The following RAD51B variants were observed in gnomAD, a reference collection of about 807,000 sequenced individuals.
The protein encoded by RAD51B is RAD51 paralog B, also known as DNA repair protein RAD51 homolog 2.
RAD51B carries 38 observed loss-of-function variants against 42.2 expected under a neutral mutation model. That is an observed-to-expected ratio of 0.90 (90% confidence interval 0.70 to 1.18). RAD51B has a LOEUF of 1.18. Among genes scored for constraint, RAD51B ranks in the 50% most tolerant of loss-of-function variants. RAD51B has a pLI of 0.00. For synonymous variants in RAD51B, 154 were observed against 145.2 expected, an observed-to-expected ratio of 1.06 and a Z score of -0.43; for missense variants, 373 against 400.7, an observed-to-expected ratio of 0.93 and a Z score of 0.59.
downstream of RAD51B, among the ~76,000 whole-genome samples, chr14:68,599,254 G>A (rs988662611): frequency 6.6e-6 from 1 of 152,184 alleles, no homozygotes; most frequent in African/African-American, 2.4e-5. Context: ...GTTGCCATAC[G>A]AAACATACTA....
intron 7 of RAD51B, among the ~76,000 whole-genome samples, chr14:68,114,960 G>C (rs34091875): frequency 6.6e-6 from 1 of 151,184 alleles, no homozygotes; most frequent in African/African-American, 2.4e-5. Context: ...CTGTAAACTA[G>C]TTCAACCATT....
intron 5 of RAD51B, among the ~76,000 whole-genome samples, chr14:67,871,222 C>G (rs537980737): frequency 3.3e-5 from 5 of 152,016 alleles, no homozygotes; most frequent in African/African-American, 1.2e-4. Flanking sequence ...AGAGAAGAAT[C>G]AAATAGATGC....
chr14:68,626,989 G>T (rs1892098323), intron 10 of RAD51B, among the ~76,000 whole-genome samples: 1 of 152,080 alleles, frequency 6.6e-6, no homozygotes, highest in South Asian at 2.1e-4. Flanking sequence ...TCTAGAAGAA[G>T]GTACTTCTTC....
At chr14:67,890,165 G>A (rs1039538823) in intron 7 of RAD51B, among the ~76,000 whole-genome samples, 1 of 152,106 alleles carries the variant, frequency 6.6e-6, no homozygotes, top group African/African-American at 2.4e-5. Context: ...TAATTACCAC[G>A]TACAGAATAG....
At chr14:68,470,381 G>A in intron 10 of RAD51B, 2 of 410,230 alleles carry the variant, frequency 4.9e-6, no homozygotes. Context: ...CCTTCTTGCT[G>A]TGTGCTCCCA....
chr14:67,862,136 T>C (rs756782036), intron 4 of RAD51B, among the ~76,000 whole-genome samples: 1 of 152,048 alleles, frequency 6.6e-6, no homozygotes, highest in Admixed American at 6.5e-5. Flanking sequence ...ATTTTAAATG[T>C]TCCCACCAAA....
At chr14:67,958,302 A>G (rs1469638775) in intron 7 of RAD51B, among the ~76,000 whole-genome samples, 2 of 152,232 alleles carry the variant, frequency 1.3e-5, no homozygotes, top group Admixed American at 6.5e-5. Context: ...GATTGATTGA[A>G]TCTTCTGATC....
chr14:68,225,590 G>C (rs1262956501), intron 7 of RAD51B, among the ~76,000 whole-genome samples: 1 of 152,174 alleles, frequency 6.6e-6, no homozygotes, highest in Admixed American at 6.5e-5. Flanking sequence ...ATTGTGCTCA[G>C]GTCTGCAATT....
intron 8 of RAD51B, among the ~76,000 whole-genome samples, chr14:68,307,540 T>C (rs1247804291): frequency 6.6e-6 from 1 of 152,158 alleles, no homozygotes; most frequent in East Asian, 1.9e-4. Context: ...TTCCCTGAAA[T>C]CTATATGTGG....
intron 7 of RAD51B, among the ~76,000 whole-genome samples, chr14:68,112,217 T>A (rs1216455200): frequency 6.6e-6 from 1 of 152,100 alleles, no homozygotes; most frequent in Non-Finnish European, 1.5e-5. Flanking sequence ...CTCATTGAGA[T>A]TTAGTCTCTG....
At chr14:68,572,015 C>T (rs745903575) in intron 10 of RAD51B, among the ~76,000 whole-genome samples, 1 of 152,208 alleles carries the variant, frequency 6.6e-6, no homozygotes, top group Non-Finnish European at 1.5e-5. Flanking sequence ...CCCAAAACTA[C>T]AGCACATGCC....
intron 10 of RAD51B, chr14:68,563,631 T>C: frequency 1.0e-6 from 1 of 985,478 alleles, no homozygotes; most frequent in Non-Finnish European, 1.2e-6. Flanking sequence ...GAGATTTGGC[T>C]TGAAAAATGG....
rs187014618 is a variant in RAD51B, at chr14:68,175,123, C to T, written c.757-116761C>T. Among the ~76,000 whole-genome samples the T allele has an allele frequency of 4.0e-4, 61 of 152,262 alleles. No individual in the cohort carries two copies. The East Asian group carries it at 6.5e-3, about 16-fold the overall frequency. ...ATTGATGATCTTTTTATAATACTGA[C>T]GTACCACATTCTTCCCCATGGCTTT... On this transcript the variant is annotated intron_variant, in intron 7 of 10. Coordinates refer to ENST00000471583, the MANE Select transcript of RAD51B (RefSeq NM_133510.4).
chr14:68,555,928 G>A (rs1888820300), intron 10 of RAD51B, among the ~76,000 whole-genome samples: 1 of 152,218 alleles, frequency 6.6e-6, no homozygotes, highest in Non-Finnish European at 1.5e-5. Context: ...CTGCTTCATG[G>A]ACTGGATGTT....
At chr14:68,199,296 TATC>T (rs897481742) in intron 7 of RAD51B, among the ~76,000 whole-genome samples, 11 of 152,180 alleles carry the variant, frequency 7.2e-5, no homozygotes, top group African/African-American at 2.4e-4. Flanking sequence ...TGGCCTTAAA[TATC>T]ATCAGGGTTT....
At chr14:67,914,979 G>A (rs962141689) in intron 7 of RAD51B, among the ~76,000 whole-genome samples, 13 of 152,136 alleles carry the variant, frequency 8.5e-5, no homozygotes, top group African/African-American at 3.1e-4. Flanking sequence ...AAGAAATAGG[G>A]TATATCAAAT....
chr14:68,673,531 CACAT>C lies in RAD51B; in HGVS notation c.*11+22679_*11+22682del, dbSNP rs1566969478. 6.6e-5 allele frequency among the ~76,000 whole-genome samples: 10 copies of C among 151,386 alleles called. 1 individual carries two copies. The highest frequency in any genetic ancestry group is 2.4e-4 in the African/African-American group (10 of 40,994). On this transcript the variant is annotated intron_variant, in intron 11 of 11. Coordinates refer to the RAD51B transcript ENST00000488612. ...ATGTACACACATATGTACGCGCACACACATACACATACATATGTACACACATATG... is the reference window on the plus strand; with the variant it reads ...ATGTACACACATATGTACGCGCACACACACATACATATGTACACACATATG...
chr14:68,515,778 CT>C (rs546071661), intron 10 of RAD51B, among the ~76,000 whole-genome samples: 20,122 of 113,124 alleles, frequency 0.18, 1,193 homozygotes, highest in African/African-American at 0.27. Context: ...CTTTTCTTTT[CT>C]TTTTTTTTTT....
intron 10 of RAD51B, among the ~76,000 whole-genome samples, chr14:68,586,824 G>A (rs1230785562): frequency 6.6e-6 from 1 of 152,144 alleles, no homozygotes; most frequent in African/African-American, 2.4e-5. Flanking sequence ...GGCTAACATG[G>A]TGAAACCCCA....
Sources: gnomAD v4.1 joint callset for allele counts (sites outside exome capture counted in the v4.1 genomes callset) on GRCh38, gnomAD v4.1.1 for gene constraint, MANE v1.5 for transcripts, NCBI Gene and HGNC (gene_info 2026-07-23, HGNC 2026-07-21) for gene names.